Variants in BCAS3 observed in about 807,000 individuals in gnomAD.
BCAS3 encodes the protein BCAS3 microtubule associated cell migration factor, also known as BCAS4/BCAS3 fusion.
BCAS3 carries 53 observed loss-of-function variants against 116.1 expected under a neutral mutation model. The ratio of observed to expected loss-of-function variants is 0.46; its 90% confidence interval spans 0.37 to 0.57. The LOEUF is 0.57. Ranked by LOEUF, BCAS3 falls within the 20% of genes least tolerant of loss-of-function variation. BCAS3 has a pLI of 0.00. For synonymous variants in BCAS3, 391 were observed against 408.2 expected, an observed-to-expected ratio of 0.96 and a Z score of 0.51; for missense variants, 917 against 1,165.4, an observed-to-expected ratio of 0.79 and a Z score of 3.10.
In BCAS3 at chr17:61,212,026, G is replaced by C. The variant is rs150478530; in HGVS notation, c.2425+127462G>C. Among the ~76,000 whole-genome samples the C allele has an allele frequency of 4.6e-5, 7 of 152,300 alleles. No homozygotes were observed. In the East Asian group the frequency reaches 1.2e-3, roughly 25 times the overall value. On this transcript the variant is annotated intron_variant, in intron 22 of 23. Transcript: ENST00000407086. The stretch of plus-strand genomic sequence containing the variant: ...AGTTGCAAATAATCTTTTCTGTAAG[G>C]CTATGAGGAGAAACAAAGCAGCTAA...
intron 22 of BCAS3, among the ~76,000 whole-genome samples, chr17:61,116,245 A>AAAATAAAT (rs548479481): frequency 5.0e-4 from 32 of 63,408 alleles, no homozygotes; most frequent in African/African-American, 1.1e-3. Context: ...GTATAATAAA[A>AAAATAAAT]AAATAAATAA....
At chr17:60,784,856 G>A (rs528695541) in intron 6 of BCAS3, among the ~76,000 whole-genome samples, 6 of 152,136 alleles carry the variant, frequency 3.9e-5, no homozygotes, top group African/African-American at 1.4e-4. Context: ...AGTACTTTGG[G>A]AGGCTGACGT....
At position 61,368,735 on chromosome 17, in the gene BCAS3, C is replaced by T. The variant is rs1053210957; in HGVS notation, c.2593+241C>T. 6.6e-6 allele frequency among the ~76,000 whole-genome samples: 1 copy of T among 152,218 alleles called. No homozygotes were observed. The highest frequency in any genetic ancestry group is 2.4e-5 in the African/African-American group (1 of 41,464). On this transcript the variant is annotated intron_variant, in intron 23 of 23. Transcript: ENST00000407086. This position sits in a 1 kb window ranked among gnomAD's most constrained non-coding sequence, Gnocchi z 6.0. ...CATGCAGGATTGCCATGATCAACAC[C>T]ACTGTGCAAGTGGCTCCCAGAAGGA...
At chr17:60,713,819 T>C (rs560519703) in intron 5 of BCAS3, among the ~76,000 whole-genome samples, 2 of 152,278 alleles carry the variant, frequency 1.3e-5, no homozygotes, top group African/African-American at 4.8e-5. Context: ...CAATTGCATT[T>C]GCATTTGCTT....
At chr17:61,338,888 GAAAAAAAAAAAAA>G (rs57701817) in intron 22 of BCAS3, among the ~76,000 whole-genome samples, 769 of 67,388 alleles carry the variant, frequency 0.011, 25 homozygotes, top group East Asian at 0.039. Flanking sequence ...CCCTTACTGG[GAAAAAAAAAAAAA>G]AAAAAAAAAA....
chr17:60,742,426 C>CTTTT (rs1173664552), intron 5 of BCAS3, among the ~76,000 whole-genome samples: 120 of 103,464 alleles, frequency 1.2e-3, no homozygotes, highest in Non-Finnish European at 1.5e-3. Context: ...TCCTTGACAT[C>CTTTT]TTTTTTTTTT....
At chr17:61,240,972 C>G (rs893498267) in intron 22 of BCAS3, among the ~76,000 whole-genome samples, 1 of 152,206 alleles carries the variant, frequency 6.6e-6, no homozygotes, top group Non-Finnish European at 1.5e-5. Context: ...CAATATGCCA[C>G]TCTTACTGGG....
At chr17:60,989,850 G>T (rs1355616384) in intron 14 of BCAS3, 121 bp from the exon 15 acceptor site, 2 of 1,082,390 alleles carry the variant, frequency 1.8e-6, no homozygotes, top group Admixed American at 2.4e-5. Flanking sequence ...TTTATTACCT[G>T]ATCTTAGGTA....
At chr17:60,800,736 G>A (rs2047699208) in intron 6 of BCAS3, among the ~76,000 whole-genome samples, 1 of 152,004 alleles carries the variant, frequency 6.6e-6, no homozygotes, top group African/African-American at 2.4e-5. Context: ...ATTTAAATCT[G>A]TGATCAATTT....
chr17:61,087,173 T>G lies in BCAS3; in HGVS notation c.2425+2609T>G, dbSNP rs1047681833. On this transcript the variant is annotated intron_variant, in intron 22 of 23. Transcript: ENST00000407086. This position sits in a 1 kb window ranked among gnomAD's most constrained non-coding sequence, Gnocchi z 4.6. ...TGCACCTCTGATTATGATCCATGCA[T>G]TGGAGTCAGCTGCACATCAGGAAGT... 2.0e-6 allele frequency: 2 copies of G among 985,408 alleles called. No homozygotes were observed. Among genetic ancestry groups the G allele is most frequent in the East Asian group, 2.3e-4 (2 of 8,836 alleles). 61.0% of individuals were successfully genotyped at this position (985,408 alleles called of 1,614,324 possible). A position where few individuals can be genotyped will look rare whatever the true frequency, so the allele number is the denominator to read the frequency against.
At chr17:60,774,800 T>A (rs1159802267) in intron 6 of BCAS3, among the ~76,000 whole-genome samples, 1 of 152,224 alleles carries the variant, frequency 6.6e-6, no homozygotes, top group South Asian at 2.1e-4. Flanking sequence ...CTCAAATGAA[T>A]GAGTGGTAAG....
At chr17:60,777,788 C>T (rs753482439) in intron 6 of BCAS3, among the ~76,000 whole-genome samples, 26 of 152,146 alleles carry the variant, frequency 1.7e-4, no homozygotes, top group Admixed American at 3.3e-4. Flanking sequence ...AGGGCCCCCT[C>T]GGAAGTCATT....
intron 6 of BCAS3, among the ~76,000 whole-genome samples, chr17:60,793,049 G>T (rs1042159010): frequency 5.9e-5 from 9 of 151,928 alleles, no homozygotes; most frequent in African/African-American, 2.2e-4. Flanking sequence ...GTTCATCCAT[G>T]TTGTAGCATG....
At chr17:61,101,645 A>G (rs758959977) in intron 22 of BCAS3, among the ~76,000 whole-genome samples, 1 of 152,280 alleles carries the variant, frequency 6.6e-6, no homozygotes, top group South Asian at 2.1e-4. Context: ...ATTTATTACT[A>G]TAAAGATCTA....
intron 13 of BCAS3, among the ~76,000 whole-genome samples, chr17:60,941,537 C>G (rs2145224646): frequency 6.6e-6 from 1 of 152,234 alleles, no homozygotes; most frequent in East Asian, 1.9e-4. Context: ...TTTCTCCTTT[C>G]TGCTCTTTAA....
rs574612265 is a variant in BCAS3, at chr17:61,292,558, A to T, written c.2426-75769A>T. Among the ~76,000 whole-genome samples the T allele has an allele frequency of 5.9e-5, 9 of 152,232 alleles. No individual in the cohort carries two copies. The South Asian group carries it at 1.9e-3, about 32-fold the overall frequency. The stretch of plus-strand genomic sequence containing the variant: ...TCCCAGCTACTCAGGAGGCTGAGGC[A>T]TGAGAATCGCTTGAACCCAGGAGGC... On this transcript the variant is annotated intron_variant, in intron 22 of 23. Transcript: ENST00000407086.
At chr17:61,175,023 G>A (rs1381301874) in intron 22 of BCAS3, among the ~76,000 whole-genome samples, 1 of 152,176 alleles carries the variant, frequency 6.6e-6, no homozygotes, top group African/African-American at 2.4e-5. Flanking sequence ...AGTGGTGCAG[G>A]TATTGGCAGG....
At position 61,186,834 on chromosome 17, in the gene BCAS3, C is replaced by T. The variant is rs1442471241; in HGVS notation, c.2425+102270C>T. Among the ~76,000 whole-genome samples, 1 of 152,068 alleles carries T rather than the reference C, an allele frequency of 6.6e-6. No homozygotes were observed. Among genetic ancestry groups the T allele is most frequent in the Non-Finnish European group, 1.5e-5 (1 of 68,024 alleles). ...CACGCCATTCTCTTGCCTCAGCCTC[C>T]CAAGTAGCTGGGAGTACAGGCACCC... is the stretch of plus-strand genomic sequence containing the variant. On this transcript the variant is annotated intron_variant, in intron 22 of 23. Coordinates refer to ENST00000407086, the MANE Select transcript of BCAS3 (RefSeq NM_017679.5). This position sits in a 1 kb window ranked among gnomAD's most constrained non-coding sequence, Gnocchi z 4.9.
At chr17:61,096,634 T>C (rs1481096335) in intron 22 of BCAS3, among the ~76,000 whole-genome samples, 2 of 152,228 alleles carry the variant, frequency 1.3e-5, no homozygotes, top group Non-Finnish European at 2.9e-5. Flanking sequence ...CTCTTGGATT[T>C]TCTACTATGT....
Sources: allele counts gnomAD v4.1 joint callset (sites outside exome capture counted in the v4.1 genomes callset), GRCh38; gene constraint gnomAD v4.1.1; non-coding constraint Gnocchi (gnomAD v3.1); transcripts MANE v1.5; gene names NCBI Gene and HGNC (gene_info 2026-07-23, HGNC 2026-07-21).